The following BRINP1 variants were observed in gnomAD, a reference collection of about 807,000 sequenced individuals.
BRINP1 encodes BMP/retinoic acid-inducible neural-specific protein 1.
BRINP1 carries 17 observed loss-of-function variants against 72.9 expected under a neutral mutation model. The ratio of observed to expected loss-of-function variants is 0.23; its 90% CI spans 0.16 to 0.35. The LOEUF (loss-of-function observed/expected upper bound fraction) is 0.35. Ranked by LOEUF, BRINP1 falls within the 10% of genes least tolerant of loss-of-function variation. The probability of loss-of-function intolerance (pLI) is 1.00; values close to 1 mark genes in which losing one functional copy is unlikely to be tolerated. For synonymous variants in BRINP1, 418 were observed against 378.5 expected, an observed-to-expected ratio of 1.10 and a Z score of -1.21; for missense variants, 850 against 1,001.6, an observed-to-expected ratio of 0.85 and a Z score of 2.04.
chr9:119,288,328 G>C (rs556431316), intron 2 of BRINP1, among the ~76,000 whole-genome samples: 7 of 150,046 alleles, frequency 4.7e-5, no homozygotes, highest in African/African-American at 1.7e-4. Flanking sequence ...GTCACAACTA[G>C]GTACTTATTT....
intron 7 of BRINP1, among the ~76,000 whole-genome samples, chr9:119,170,051 G>A (rs904829942): frequency 5.9e-5 from 9 of 152,120 alleles, no homozygotes; most frequent in African/African-American, 9.7e-5. Context: ...CAGAAAAACC[G>A]GAAACTCTAA....
At chr9:119,168,324 TGAAAGGACTGGATGGAGCAG>T in intron 7 of BRINP1, 100 bp from the exon 8 acceptor site, 3 of 930,136 alleles carry the variant, frequency 3.2e-6, no homozygotes, top group Non-Finnish European at 4.6e-6. Context: ...GCCAAAAAGA[TGAAAGGACTGGATGGAGCAG>T]TGACAATACA....
intron 7 of BRINP1, among the ~76,000 whole-genome samples, chr9:119,191,589 T>A (rs570449809): frequency 6.6e-6 from 1 of 151,918 alleles, no homozygotes; most frequent in Admixed American, 6.6e-5. Flanking sequence ...CACTGAAAAC[T>A]ACAAAACATT....
intron 6 of BRINP1, among the ~76,000 whole-genome samples, chr9:119,209,312 C>T (rs987522665): frequency 6.6e-6 from 1 of 152,202 alleles, no homozygotes; most frequent in Non-Finnish European, 1.5e-5. Context: ...GTGGCTCACA[C>T]CTGTAATCCC....
intron 2 of BRINP1, among the ~76,000 whole-genome samples, chr9:119,301,622 T>C (rs1283883332): frequency 6.6e-6 from 1 of 152,100 alleles, no homozygotes; most frequent in Non-Finnish European, 1.5e-5. Context: ...GTTACATGAA[T>C]CCACACATAT....
intron 2 of BRINP1, among the ~76,000 whole-genome samples, chr9:119,308,550 T>C (rs1479813848): frequency 2.0e-5 from 3 of 152,208 alleles, no homozygotes; most frequent in Non-Finnish European, 2.9e-5. Context: ...GAACCATTCA[T>C]CCATCCCCAG....
At chr9:119,205,589 C>T (rs1192482272) in intron 7 of BRINP1, among the ~76,000 whole-genome samples, 2 of 152,166 alleles carry the variant, frequency 1.3e-5, no homozygotes, top group Non-Finnish European at 2.9e-5. Context: ...GACTCCTTGA[C>T]TTTTCCCAGT....
chr9:119,355,589 C>T (rs559324691), intron 1 of BRINP1, among the ~76,000 whole-genome samples: 21 of 152,020 alleles, frequency 1.4e-4, no homozygotes, highest in South Asian at 1.0e-3. Flanking sequence ...ATTAGCCGGG[C>T]GTGGTGGTGG....
chr9:119,279,316 C>T (rs113391264), intron 2 of BRINP1, among the ~76,000 whole-genome samples: 2 of 152,228 alleles, frequency 1.3e-5, no homozygotes, highest in African/African-American at 4.8e-5. Flanking sequence ...TAGAACTCAA[C>T]TCAGCTATAT....
chr9:119,306,688 G>A (rs1345513612), intron 2 of BRINP1, among the ~76,000 whole-genome samples: 1 of 152,210 alleles, frequency 6.6e-6, no homozygotes, highest in African/African-American at 2.4e-5. Flanking sequence ...TGTAGTCAGA[G>A]TCAAAAGGCA....
intron 2 of BRINP1, among the ~76,000 whole-genome samples, chr9:119,300,457 C>T (rs751820612): frequency 2.0e-5 from 3 of 152,108 alleles, no homozygotes; most frequent in Non-Finnish European, 4.4e-5. Context: ...CATTGCATAC[C>T]TGTATCAAAA....
intron 1 of BRINP1, among the ~76,000 whole-genome samples, chr9:119,359,689 A>G (rs1002446986): frequency 2.0e-5 from 3 of 152,146 alleles, no homozygotes; most frequent in Admixed American, 2.0e-4. Context: ...AACAAAACAC[A>G]ATTGACTCAG....
intron 7 of BRINP1, among the ~76,000 whole-genome samples, chr9:119,177,468 G>A (rs951506425): frequency 1.3e-5 from 2 of 152,294 alleles, no homozygotes; most frequent in East Asian, 3.9e-4. Context: ...CATCTGACGA[G>A]AGCGTCATTT....
intron 4 of BRINP1, among the ~76,000 whole-genome samples, chr9:119,239,597 A>G (rs1830226889): frequency 6.6e-6 from 1 of 152,222 alleles, no homozygotes; most frequent in African/African-American, 2.4e-5. Context: ...ATTGTAAGGA[A>G]CAATGACTTG....
Position 119,368,033 on chromosome 9 carries a change from G to A in BRINP1, c.-51+1023C>T, listed in dbSNP as rs1394646508. Among the ~76,000 whole-genome samples the A allele has an allele frequency of 2.6e-5, 4 of 152,106 alleles. No homozygotes were observed. The highest frequency in any genetic ancestry group is 7.2e-5 in the African/African-American group (3 of 41,426). ...ATCTCCTTCCATATCATCCACAGCC[G>A]CCCCAGATGAAATTTCCTCTGAGAC... On this transcript the variant is annotated intron_variant, in intron 1 of 7. Coordinates refer to ENST00000265922, the MANE Select transcript of BRINP1 (RefSeq NM_014618.3). This position sits in a 1 kb window ranked among gnomAD's most constrained non-coding sequence, Gnocchi z 4.7.
In BRINP1 at chr9:119,353,816, T is replaced by G. The variant is rs1831528465; in HGVS notation, c.-51+15240A>C. 6.0e-5 allele frequency among the ~76,000 whole-genome samples: 9 copies of G among 149,120 alleles called. No homozygotes were observed. In the South Asian group the frequency reaches 1.9e-3, roughly 31 times the overall value. On this transcript the variant is annotated intron_variant, in intron 1 of 7. Coordinates refer to ENST00000265922, the MANE Select transcript of BRINP1 (RefSeq NM_014618.3). Reference sequence around the variant, plus strand: ...AAGCAAATTAAACTTAATTTTGTTTTGAGCACTTTTTTTTTTTTTTTTTTT... The same window carrying G: ...AAGCAAATTAAACTTAATTTTGTTTGGAGCACTTTTTTTTTTTTTTTTTTT...
chr9:119,351,818 A>T (rs58723776), intron 1 of BRINP1, among the ~76,000 whole-genome samples: 2,452 of 150,132 alleles, frequency 0.016, 82 homozygotes, highest in African/African-American at 0.057. Context: ...TTATTTTTTT[A>T]TTTTTTTTTT....
chr9:119,231,252 C>T (rs573841781), intron 5 of BRINP1, among the ~76,000 whole-genome samples: 29 of 151,976 alleles, frequency 1.9e-4, no homozygotes, highest in Non-Finnish European at 3.2e-4. Context: ...ATTGTACTAG[C>T]CTCTGATCTC....
intron 2 of BRINP1, among the ~76,000 whole-genome samples, chr9:119,258,105 T>A (rs914936176): frequency 6.6e-6 from 1 of 152,238 alleles, no homozygotes; most frequent in Admixed American, 6.5e-5. Flanking sequence ...TTGCTTATAA[T>A]GTGTACAGAG....
Sources: gnomAD v4.1 joint callset for allele counts (sites outside exome capture counted in the v4.1 genomes callset) on GRCh38, gnomAD v4.1.1 for gene constraint, Gnocchi (gnomAD v3.1) non-coding constraint, MANE v1.5 for transcripts, NCBI Gene and HGNC (gene_info 2026-07-23, HGNC 2026-07-21) for gene names.